Variants in KIAA0825 observed in about 807,000 individuals in gnomAD.
KIAA0825 encodes the protein uncharacterized protein KIAA0825.
In KIAA0825, 119 loss-of-function variants were observed where a neutral mutation model predicts 147.6. The ratio of observed to expected loss-of-function variants is 0.81; its 90% CI spans 0.69 to 0.94. KIAA0825 has a LOEUF of 0.94. Among genes scored for constraint, KIAA0825 ranks in the 40% least tolerant of loss-of-function variants. The pLI is 0.00. For missense variants in KIAA0825, 1,381 were observed against 1,472.7 expected (o/e 0.94, Z 1.02); for synonymous variants, 470 against 518.1 (o/e 0.91, Z 1.26).
At chr5:94,468,430 A>G (rs530467940) in intron 10 of KIAA0825, among the ~76,000 whole-genome samples, 109 of 152,326 alleles carry the variant, frequency 7.2e-4, no homozygotes, top group Middle Eastern at 6.8e-3. Context: ...AATAAGGAAA[A>G]TATGATGCTG....
At chr5:94,265,025 TG>T in intron 20 of KIAA0825, among the ~76,000 whole-genome samples, 1 of 152,166 alleles carries the variant, frequency 6.6e-6, no homozygotes, top group South Asian at 2.1e-4. Context: ...TCAAGTGATC[TG>T]CCCGCCTTGG....
intron 20 of KIAA0825, among the ~76,000 whole-genome samples, chr5:94,260,880 A>T (rs892398444): frequency 6.6e-6 from 1 of 152,222 alleles, no homozygotes; most frequent in Non-Finnish European, 1.5e-5. Flanking sequence ...TCAAAACACC[A>T]AAAATCTAAG....
chr5:94,158,327 CT>C (rs971535662), intron 20 of KIAA0825, among the ~76,000 whole-genome samples: 1 of 152,028 alleles, frequency 6.6e-6, no homozygotes, highest in African/African-American at 2.4e-5. Flanking sequence ...ACTATTTGGA[CT>C]TTTTTTGGAG....
chr5:94,238,452 T>C (rs1015395371), intron 20 of KIAA0825, among the ~76,000 whole-genome samples: 1 of 152,204 alleles, frequency 6.6e-6, no homozygotes, highest in African/African-American at 2.4e-5. Flanking sequence ...TGTTAACTTA[T>C]GACTTTGAAA....
intron 20 of KIAA0825, among the ~76,000 whole-genome samples, chr5:94,201,526 G>C (rs1771689266): frequency 1.3e-5 from 2 of 151,838 alleles, no homozygotes; most frequent in South Asian, 4.2e-4. Flanking sequence ...TCCTGCCTCA[G>C]CCTTCTGAGT....
At position 94,473,389 on chromosome 5, in the gene KIAA0825, G is replaced by A. The variant is rs1298877850; in HGVS notation, c.1358C>T (p.Ser453Leu). The A allele has an allele frequency of 6.4e-7, 1 of 1,551,940 alleles. No homozygotes were observed. Among genetic ancestry groups the A allele is most frequent in the East Asian group, 2.4e-5 (1 of 40,938 alleles). The change falls in exon 8 of 21, where the codon TCA becomes TTA. Residue 453 changes from serine to leucine, a missense_variant. Transcript: ENST00000682413. ...ILQQEQNERS[S>L]AVSYAMNLVN... is the part of the protein sequence containing the mutation. Reference sequence around the variant, plus strand: ...AAGGTTCATAGCATAGCTCACAGCTGAAGACCTTTCATTCTGTTCCTGTTG... The same window carrying A: ...AAGGTTCATAGCATAGCTCACAGCTAAAGACCTTTCATTCTGTTCCTGTTG...
chr5:94,461,632 G>C (rs1030090329), intron 12 of KIAA0825, among the ~76,000 whole-genome samples: 2 of 151,804 alleles, frequency 1.3e-5, no homozygotes, highest in African/African-American at 4.8e-5. Context: ...TAATACAAAT[G>C]TGTCAAAATG....
intron 20 of KIAA0825, among the ~76,000 whole-genome samples, chr5:94,339,387 G>C (rs1782129620): frequency 6.6e-6 from 1 of 152,142 alleles, no homozygotes; most frequent in South Asian, 2.1e-4. Context: ...GATTTAATAA[G>C]ACTTTAGTGG....
chr5:94,371,187 A>T (rs763769571), intron 20 of KIAA0825, among the ~76,000 whole-genome samples: 1 of 152,150 alleles, frequency 6.6e-6, no homozygotes, highest in Admixed American at 6.5e-5. Context: ...GATTTAAAAA[A>T]TTTTACACCA....
At chr5:94,205,717 T>A (rs1772135615) in intron 20 of KIAA0825, among the ~76,000 whole-genome samples, 1 of 152,160 alleles carries the variant, frequency 6.6e-6, no homozygotes. Flanking sequence ...TCGGATCATA[T>A]TTTCTTGCCC....
intron 1 of KIAA0825, among the ~76,000 whole-genome samples, chr5:94,590,691 A>G (rs1278762499): frequency 6.6e-6 from 1 of 152,228 alleles, no homozygotes; most frequent in East Asian, 1.9e-4. Context: ...GTGCTTCTTC[A>G]TAGCTTTCAA....
chr5:94,530,399 C>A (rs555766743), intron 3 of KIAA0825, among the ~76,000 whole-genome samples: 81 of 152,108 alleles, frequency 5.3e-4, no homozygotes, highest in Non-Finnish European at 9.3e-4. Flanking sequence ...ATCCTCTGGC[C>A]TCAGCCTCCC....
intron 20 of KIAA0825, among the ~76,000 whole-genome samples, chr5:94,365,405 G>A (rs1051930457): frequency 2.0e-5 from 3 of 152,158 alleles, no homozygotes; most frequent in Non-Finnish European, 4.4e-5. Context: ...GTCTCTGAAG[G>A]CAGATGCCCG....
intron 2 of KIAA0825, among the ~76,000 whole-genome samples, chr5:94,565,693 A>G (rs1208088394): frequency 6.6e-6 from 1 of 152,226 alleles, no homozygotes; most frequent in Non-Finnish European, 1.5e-5. Context: ...AGAGAAAATC[A>G]GAAGAAGGTA....
At chr5:94,296,701 C>T (rs1778154350) in intron 20 of KIAA0825, among the ~76,000 whole-genome samples, 2 of 152,098 alleles carry the variant, frequency 1.3e-5, no homozygotes, top group African/African-American at 2.4e-5. Context: ...GGACATCCCT[C>T]CCCACTTCTG....
At chr5:94,588,053 T>A (rs1214665784) in intron 1 of KIAA0825, among the ~76,000 whole-genome samples, 1 of 152,192 alleles carries the variant, frequency 6.6e-6, no homozygotes, top group Non-Finnish European at 1.5e-5. Flanking sequence ...CAAGATGGAT[T>A]AAAGACTTAA....
intron 5 of KIAA0825, among the ~76,000 whole-genome samples, chr5:94,506,054 T>C (rs950239101): frequency 1.3e-5 from 2 of 152,230 alleles, no homozygotes; most frequent in Non-Finnish European, 2.9e-5. Context: ...TAACTACTAT[T>C]GCACACTTCA....
chr5:94,401,957 G>C (rs2150614224), intron 16 of KIAA0825, among the ~76,000 whole-genome samples: 1 of 152,274 alleles, frequency 6.6e-6, no homozygotes, highest in East Asian at 1.9e-4. Context: ...CAATCTAAAA[G>C]TCCCTGTAGC....
intron 20 of KIAA0825, among the ~76,000 whole-genome samples, chr5:94,267,493 G>C (rs970585646): frequency 2.0e-5 from 3 of 152,106 alleles, no homozygotes; most frequent in Admixed American, 6.5e-5. Context: ...GAGTGAAACC[G>C]TGTGTATCAC....
Sources: gnomAD v4.1 joint callset for allele counts (sites outside exome capture counted in the v4.1 genomes callset) on GRCh38, gnomAD v4.1.1 for gene constraint, MANE v1.5 for transcripts, NCBI Gene and HGNC (gene_info 2026-07-23, HGNC 2026-07-21) for gene names.